SHROOM2: variants seen among roughly 807,000 people sequenced by gnomAD.
The protein encoded by SHROOM2 is shroom family member 2, also known as protein Shroom2.
Under a neutral mutation model 75.9 loss-of-function variants are expected in SHROOM2, and 33 were observed. The ratio of observed to expected loss-of-function variants is 0.43; its 90% confidence interval spans 0.33 to 0.58. SHROOM2 has a LOEUF of 0.58. SHROOM2 is among the 20% of genes least tolerant of loss of function. The pLI is 0.04. For synonymous variants in SHROOM2, 655 were observed against 663.6 expected (o/e 0.99, Z 0.20); for missense variants, 1,434 against 1,461.2 (o/e 0.98, Z 0.30).
At chrX:9,808,621 G>A (rs1443202431) in intron 1 of SHROOM2, among the ~76,000 whole-genome samples, 1 of 109,976 alleles carries the variant, frequency 9.1e-6, no homozygotes. Flanking sequence ...CAGCACTTTG[G>A]GAGGCCAAGG....
At chrX:9,938,492 G>T (rs781560063) in intron 7 of SHROOM2, among the ~76,000 whole-genome samples, 103 of 112,024 alleles carry the variant, frequency 9.2e-4, no homozygotes, top group Non-Finnish European at 1.4e-3. Flanking sequence ...GTTGGAGGCT[G>T]CAGTGAGCTA....
At chrX:9,799,157 CTTTT>C (rs58508176) in intron 1 of SHROOM2, among the ~76,000 whole-genome samples, 2 of 61,410 alleles carry the variant, frequency 3.3e-5, no homozygotes, top group East Asian at 1.5e-3. Context: ...GAGTTTAATT[CTTTT>C]TTTTTTTTTT....
intron 1 of SHROOM2, among the ~76,000 whole-genome samples, chrX:9,831,042 G>T (rs1183876221): frequency 8.9e-6 from 1 of 112,062 alleles, no homozygotes; most frequent in Non-Finnish European, 1.9e-5. Flanking sequence ...GAAGGCTTAA[G>T]GTTGAACCCA....
rs1050451776 is a variant in SHROOM2, at chrX:9,894,891, C to T, written c.983C>T (p.Ala328Val). 2 of 1,209,512 alleles carry T rather than the reference C, an allele frequency of 1.7e-6. No individual in the cohort carries two copies. The highest frequency in any genetic ancestry group is 2.2e-6 in the Non-Finnish European group (2 of 894,806). Residue 328 changes from alanine (A) to valine (V), a missense_variant, in exon 4 of 10, where the codon GCC becomes GTC. Physicochemically the swap from Ala to Val is moderately conservative, Grantham distance 64. Around this residue, in one of 3 missense-constraint regions of SHROOM2, gnomAD observed 1,340 missense variants for 1,338.3 expected, o/e 1.00. Transcript: ENST00000380913. ...CCTCTCCGCAGTGACAGCTTTGCTG[C>T]CACCAAGAGCCACGAGAAGGCCCAG... The part of the protein sequence containing the change: ...PPPLRSDSFA[A>V]TKSHEKAQGP...
At chrX:9,799,523 A>C (rs1487701334) in intron 1 of SHROOM2, among the ~76,000 whole-genome samples, 1 of 111,308 alleles carries the variant, frequency 9.0e-6, no homozygotes, top group Non-Finnish European at 1.9e-5. Context: ...TTAATTAAGA[A>C]TTTTTAATTT....
At chrX:9,808,668 C>G (rs777823856) in intron 1 of SHROOM2, among the ~76,000 whole-genome samples, 1 of 110,618 alleles carries the variant, frequency 9.0e-6, no homozygotes, top group Non-Finnish European at 1.9e-5. Flanking sequence ...TCGAGACCAG[C>G]CTGGCCAACG....
chrX:9,827,223 C>CTTTT (rs397953893), intron 1 of SHROOM2, among the ~76,000 whole-genome samples: 21 of 60,130 alleles, frequency 3.5e-4, no homozygotes, highest in African/African-American at 1.5e-3. Flanking sequence ...TTTTCTTTTT[C>CTTTT]TTTTTTTTTT....
In SHROOM2 at chrX:9,947,273, C is replaced by T. The variant is rs749917239; in HGVS notation, c.*336C>T. 1.2e-5 allele frequency: 3 copies of T among 242,991 alleles called. No individual in the cohort carries two copies. The highest frequency in any genetic ancestry group is 2.2e-5 in the Non-Finnish European group (3 of 138,233). 20.0% of individuals were successfully genotyped at this position (242,991 alleles called of 1,213,427 possible). A position where few individuals can be genotyped will look rare whatever the true frequency, so the allele number is the denominator to read the frequency against. ...TCAGTGGGAAACCCGTTGTTCCTCC[C>T]GTCTTCAGATGCTGAGCCAACTGCT... On this transcript the variant is annotated 3_prime_UTR_variant, in exon 10 of 10. Transcript: ENST00000380913.
chrX:9,932,084 T>C, intron 5 of SHROOM2, 91 bp from the exon 6 acceptor site: 1 of 870,054 alleles, frequency 1.1e-6, no homozygotes, highest in Non-Finnish European at 1.6e-6. Flanking sequence ...TGAAAGTGGC[T>C]TAAGGGGATT....
chrX:9,936,990 G>A (rs748237633), intron 6 of SHROOM2, 144 bp from the exon 7 acceptor site: 12 of 550,287 alleles, frequency 2.2e-5, no homozygotes, highest in African/African-American at 2.1e-4. Flanking sequence ...CCAGGATGTG[G>A]GATCATGGAG....
Position 9,949,396 on chromosome X carries a change from A to T in SHROOM2, c.*2459A>T. The T allele has an allele frequency of 3.0e-6, 1 of 328,952 alleles. No homozygotes were observed. The highest frequency in any genetic ancestry group is 3.1e-5 in the Admixed American group (1 of 31,788). 27.1% of individuals were successfully genotyped at this position (328,952 alleles called of 1,213,427 possible). A position where few individuals can be genotyped will look rare whatever the true frequency, so the allele number is the denominator to read the frequency against. On this transcript the variant is annotated 3_prime_UTR_variant, in exon 10 of 10. Coordinates refer to ENST00000380913, the MANE Select transcript of SHROOM2 (RefSeq NM_001649.4). ...ACACTTACCACTCACCTATCAACAG[A>T]TCATCCTGCTTGACTGTAACAAAAT... is the stretch of plus-strand genomic sequence containing the variant.
At position 9,864,202 on chromosome X, in the gene SHROOM2, A is replaced by G. The variant is rs919425566; in HGVS notation, c.166-9450A>G. On this transcript the variant is annotated intron_variant, in intron 1 of 9. Transcript: ENST00000380913. ...TCAGATGTTGACGAGCTGTCACATCAGAAGTCACAGTCACTCACCGTTATC... is the reference window on the plus strand; with the variant it reads ...TCAGATGTTGACGAGCTGTCACATCGGAAGTCACAGTCACTCACCGTTATC... Among the ~76,000 whole-genome samples, 3 of 111,268 alleles carry G rather than the reference A, an allele frequency of 2.7e-5. No homozygotes were observed. In the Admixed American group the frequency reaches 2.9e-4, roughly 11 times the overall value.
chrX:9,844,920 C>G (rs2083998326), intron 1 of SHROOM2, among the ~76,000 whole-genome samples: 1 of 112,012 alleles, frequency 8.9e-6, no homozygotes, highest in African/African-American at 3.2e-5. Flanking sequence ...CCTCTCAACT[C>G]CCACTCTTGC....
At chrX:9,799,584 A>T (rs189489720) in intron 1 of SHROOM2, among the ~76,000 whole-genome samples, 165 of 111,650 alleles carry the variant, frequency 1.5e-3, no homozygotes, top group Non-Finnish European at 1.5e-3. Flanking sequence ...TTCAATTCCT[A>T]TGAAAACTCT....
At chrX:9,868,327 C>T (rs989626960) in intron 1 of SHROOM2, among the ~76,000 whole-genome samples, 1 of 109,654 alleles carries the variant, frequency 9.1e-6, no homozygotes, top group African/African-American at 3.3e-5. Flanking sequence ...CCCACTGCAA[C>T]CTCCACCTTC....
chrX:9,818,716 C>A, intron 1 of SHROOM2: 1 of 441,736 alleles, frequency 2.3e-6, no homozygotes. Flanking sequence ...AACATCCAGT[C>A]CTTCTGCTTC....
At chrX:9,796,155 C>G (rs2083694118) in intron 1 of SHROOM2, among the ~76,000 whole-genome samples, 1 of 111,571 alleles carries the variant, frequency 9.0e-6, no homozygotes, top group South Asian at 3.8e-4. Context: ...CTACTCAATC[C>G]TGATTCATTA....
rs750425535 is a variant in SHROOM2, at chrX:9,892,408, GA to G, written c.449+1310del. 5.9e-3 allele frequency among the ~76,000 whole-genome samples: 614 copies of G among 104,940 alleles called. 2 individuals are homozygous for G. The highest frequency in any genetic ancestry group is 0.02 in the African/African-American group (566 of 29,004). 91.1% of individuals were successfully genotyped at this position (104,940 alleles called of 115,157 possible). On this transcript the variant is annotated intron_variant, in intron 3 of 9. Transcript: ENST00000380913. ...TTTAGAGCCCAGTGTATTTTTTGGG[GA>G]AAAAAAAAACACAAAAAAACAAAAA...
At chrX:9,818,173 G>C (rs2083833101) in intron 1 of SHROOM2, 1 of 154,811 alleles carries the variant, frequency 6.5e-6, no homozygotes, top group Non-Finnish European at 1.3e-5. Context: ...TACATGTTGT[G>C]CTGGCTGGTA....
Sources: gnomAD v4.1 joint callset for allele counts (sites outside exome capture counted in the v4.1 genomes callset) on GRCh38, gnomAD v4.1.1 for gene constraint, gnomAD v4.1.1 regional missense constraint, MANE v1.5 for transcripts, NCBI Gene and HGNC (gene_info 2026-07-23, HGNC 2026-07-21) for gene names.